PTPRE: variants seen among roughly 807,000 people sequenced by gnomAD.
PTPRE encodes the protein receptor-type tyrosine-protein phosphatase epsilon.
PTPRE carries 51 observed loss-of-function variants against 102.0 expected under a neutral mutation model. The ratio of observed to expected loss-of-function variants is 0.50; its 90% CI spans 0.40 to 0.63. The LOEUF (loss-of-function observed/expected upper bound fraction) is 0.63, where lower values mean the gene tolerates loss of function less well. PTPRE is among the 30% of genes least tolerant of loss of function. The pLI, the probability that PTPRE is intolerant of heterozygous loss-of-function variation, is 0.00. For missense variants in PTPRE, 752 were observed against 915.1 expected (o/e 0.82, Z 2.30); for synonymous variants, 345 against 348.2 (o/e 0.99, Z 0.10).
intron 2 of PTPRE, among the ~76,000 whole-genome samples, chr10:128,037,659 G>A (rs958686374): frequency 6.6e-6 from 1 of 152,168 alleles, no homozygotes; most frequent in Admixed American, 6.5e-5. Flanking sequence ...CTGTTGAGGG[G>A]AGTAAATATA....
intron 1 of PTPRE, among the ~76,000 whole-genome samples, chr10:127,923,124 G>A (rs1374925287): frequency 2.0e-5 from 3 of 152,254 alleles, no homozygotes; most frequent in African/African-American, 4.8e-5. Context: ...CCGGCATAGC[G>A]GCTGGCGTGC....
intron 2 of PTPRE, among the ~76,000 whole-genome samples, chr10:127,984,494 T>G (rs1851918029): frequency 6.6e-6 from 1 of 152,208 alleles, no homozygotes; most frequent in Non-Finnish European, 1.5e-5. Context: ...AAAGGGTATT[T>G]GAAGCCTGGG....
intron 2 of PTPRE, among the ~76,000 whole-genome samples, chr10:128,040,602 TCCAGTC>T (rs1564914510): frequency 6.6e-6 from 1 of 152,028 alleles, no homozygotes; most frequent in Admixed American, 6.6e-5. Context: ...CACCCTGGGT[TCCAGTC>T]CCTGATCTGC....
At chr10:127,988,667 G>T (rs904111702) in intron 2 of PTPRE, among the ~76,000 whole-genome samples, 1 of 152,132 alleles carries the variant, frequency 6.6e-6, no homozygotes, top group African/African-American at 2.4e-5. Context: ...CAGATGCGGG[G>T]AACTCCAAAA....
At chr10:128,067,297 G>A (rs563739450) in intron 11 of PTPRE, among the ~76,000 whole-genome samples, 8 of 133,714 alleles carry the variant, frequency 6.0e-5, no homozygotes, top group Admixed American at 5.2e-4. Context: ...CACACGCACA[G>A]ATGCACACAT....
At position 128,008,205 on chromosome 10, in the gene PTPRE, G is replaced by A. The variant is rs931045647; in HGVS notation, c.-8+25909G>A. 6.6e-6 allele frequency among the ~76,000 whole-genome samples: 1 copy of A among 152,002 alleles called. No homozygotes were observed. Among genetic ancestry groups the A allele is most frequent in the Non-Finnish European group, 1.5e-5 (1 of 67,988 alleles). On this transcript the variant is annotated intron_variant, in intron 2 of 20. Transcript: ENST00000254667. This position sits in a 1 kb window ranked among gnomAD's most constrained non-coding sequence, Gnocchi z 4.0. ...ATCCACCATCTCTGTCTGCAGCCCC[G>A]CTGGCTCGTCCGCCCTCGCCTCCCT...
intron 1 of PTPRE, among the ~76,000 whole-genome samples, chr10:127,914,354 C>G (rs1846063205): frequency 6.6e-6 from 1 of 152,344 alleles, no homozygotes; most frequent in Non-Finnish European, 1.5e-5. Flanking sequence ...CTGACACACA[C>G]AGCACAGGTG....
chr10:128,031,493 G>A (rs2135744465), intron 2 of PTPRE, among the ~76,000 whole-genome samples: 1 of 152,368 alleles, frequency 6.6e-6, no homozygotes, highest in African/African-American at 2.4e-5. Flanking sequence ...GAGCCATGTT[G>A]TGTGGGCCCT....
At chr10:128,006,597 T>C (rs1275995456) in intron 2 of PTPRE, among the ~76,000 whole-genome samples, 1 of 152,210 alleles carries the variant, frequency 6.6e-6, no homozygotes, top group African/African-American at 2.4e-5. Context: ...TATTGCAAAC[T>C]TCACCACGTG....
intron 2 of PTPRE, among the ~76,000 whole-genome samples, chr10:127,984,779 C>A (rs1179385900): frequency 1.3e-5 from 2 of 152,210 alleles, no homozygotes; most frequent in Non-Finnish European, 2.9e-5. Context: ...GTGAGACGTG[C>A]CTTTCACCTT....
At chr10:127,981,678 C>T (rs892234124) in intron 1 of PTPRE, among the ~76,000 whole-genome samples, 6 of 151,856 alleles carry the variant, frequency 4.0e-5, no homozygotes, top group Admixed American at 1.3e-4. Context: ...ATTAGCAGGG[C>T]GTGGTGGCAC....
intron 20 of PTPRE, 83 bp from the exon 21 acceptor site, chr10:128,082,749 G>A (rs546515044): frequency 7.0e-7 from 1 of 1,433,534 alleles, no homozygotes; most frequent in African/African-American, 1.5e-5. Context: ...ACTTATTTAT[G>A]TCTTGTTTTT....
Position 128,004,527 on chromosome 10 carries a change from T to C in PTPRE, c.-8+22231T>C, listed in dbSNP as rs184954573. Among the ~76,000 whole-genome samples, 126 of 152,334 alleles carry C rather than the reference T, an allele frequency of 8.3e-4. 1 individual carries two copies. The highest frequency in any genetic ancestry group is 2.9e-3 in the African/African-American group (122 of 41,574). The stretch of plus-strand genomic sequence containing the variant: ...CAGTATGGGACCTTTTGTGTCTGGT[T>C]TCTTTCATGTAGCATTTGTTTTGAG... On this transcript the variant is annotated intron_variant, in intron 2 of 20. Coordinates refer to ENST00000254667, the MANE Select transcript of PTPRE (RefSeq NM_006504.6).
At chr10:127,981,715 G>C (rs1233931050) in intron 1 of PTPRE, among the ~76,000 whole-genome samples, 1 of 152,036 alleles carries the variant, frequency 6.6e-6, no homozygotes, top group African/African-American at 2.4e-5. Flanking sequence ...CTACTCAGGA[G>C]GCTGAGGCAG....
At position 128,029,797 on chromosome 10, in the gene PTPRE, T is replaced by C. The variant is rs144173906; in HGVS notation, c.-7-11078T>C. The stretch of plus-strand genomic sequence containing the variant: ...CTGCCTAAGGCCCCCACAGTGGGCA[T>C]CACCAGGGCTGGGGTCTTAGGGGCC... On this transcript the variant is annotated intron_variant, in intron 2 of 20. Coordinates refer to ENST00000254667, the MANE Select transcript of PTPRE (RefSeq NM_006504.6). 2.5e-3 allele frequency among the ~76,000 whole-genome samples: 387 copies of C among 152,356 alleles called. 8 individuals are homozygous for C. Among genetic ancestry groups the C allele is most frequent in the East Asian group, 0.021 (111 of 5,184 alleles).
chr10:128,074,646 G>A (rs963856706), intron 17 of PTPRE, among the ~76,000 whole-genome samples: 2 of 149,468 alleles, frequency 1.3e-5, no homozygotes, highest in African/African-American at 5.0e-5. Flanking sequence ...CAGCCTGGGG[G>A]ACAGAACAAG....
chr10:127,980,338 C>CT (rs11336623), intron 1 of PTPRE, among the ~76,000 whole-genome samples: 9,563 of 143,974 alleles, frequency 0.066, 322 homozygotes, highest in Middle Eastern at 0.13. Flanking sequence ...TATACAAATC[C>CT]TTTTTTTTTT....
At chr10:128,067,404 ACG>A (rs1433908563) in intron 11 of PTPRE, among the ~76,000 whole-genome samples, 10 of 125,276 alleles carry the variant, frequency 8.0e-5, no homozygotes, top group Admixed American at 1.7e-4. Flanking sequence ...ACACACATAC[ACG>A]CACATGGGTG....
chr10:127,966,657 G>C (rs1175990054), intron 1 of PTPRE, among the ~76,000 whole-genome samples: 2 of 152,146 alleles, frequency 1.3e-5, no homozygotes, highest in Non-Finnish European at 2.9e-5. Context: ...CCACCCCAAG[G>C]TTAAGATGGA....
Sources: gnomAD v4.1 joint callset for allele counts (sites outside exome capture counted in the v4.1 genomes callset) on GRCh38, gnomAD v4.1.1 for gene constraint, Gnocchi (gnomAD v3.1) non-coding constraint, MANE v1.5 for transcripts, NCBI Gene and HGNC (gene_info 2026-07-23, HGNC 2026-07-21) for gene names.